Variants in AUTS2 observed in about 807,000 individuals in gnomAD.
The protein encoded by AUTS2 is autism susceptibility gene 2 protein.
AUTS2 carries 17 observed loss-of-function variants against 112.4 expected under a neutral mutation model. The ratio of observed to expected loss-of-function variants is 0.15; its 90% CI spans 0.10 to 0.23. The LOEUF is 0.23. AUTS2 is among the 10% of genes least tolerant of loss of function. The pLI is 1.00. For synonymous variants in AUTS2, 751 were observed against 702.7 expected (o/e 1.07, Z -1.09); for missense variants, 1,510 against 1,701.6 (o/e 0.89, Z 1.98).
At chr7:70,755,045 A>C (rs1002548928) in intron 6 of AUTS2, among the ~76,000 whole-genome samples, 7 of 152,128 alleles carry the variant, frequency 4.6e-5, no homozygotes, top group African/African-American at 1.7e-4. Context: ...TCCTTCATCA[A>C]TATTCACCCT....
chr7:70,571,157 T>A (rs952169393), intron 5 of AUTS2, among the ~76,000 whole-genome samples: 1 of 152,202 alleles, frequency 6.6e-6, no homozygotes, highest in South Asian at 2.1e-4. Flanking sequence ...TTGAGCTAGA[T>A]GAGCAATAAA....
At chr7:70,592,536 A>C (rs879551577) in intron 5 of AUTS2, among the ~76,000 whole-genome samples, 1 of 151,648 alleles carries the variant, frequency 6.6e-6, no homozygotes, top group Non-Finnish European at 1.5e-5. Context: ...TAATTTTTGT[A>C]TTTTTAGTAG....
chr7:70,169,246 A>T (rs1463120538), intron 4 of AUTS2, among the ~76,000 whole-genome samples: 1 of 151,496 alleles, frequency 6.6e-6, no homozygotes, highest in Non-Finnish European at 1.5e-5. Context: ...ATTAATATAT[A>T]TATATTTTTT....
rs772846312 is a variant in AUTS2 at position 70,763,092 on chromosome 7, C to G, written c.965C>G (p.Pro322Arg). The change falls in exon 7 of 19, where the codon CCT becomes CGT. Residue 322 changes from proline to arginine, a missense_variant. Around this residue, in one of 3 missense-constraint regions of AUTS2, gnomAD observed 535 missense variants for 594.3 expected, o/e 0.90. Transcript: ENST00000342771. ...CAACTCCGAGCTCCTTCTCCGGACC[C>G]TGACTTGGTGCAGCGCACAGAGGCC... is the stretch of plus-strand genomic sequence containing the variant. ...EPQLRAPSPDPDLVQRTEAPP... is the reference protein window; with the variant it reads ...EPQLRAPSPDRDLVQRTEAPP... The G allele has an allele frequency of 6.2e-7, 1 of 1,614,150 alleles. No individual in the cohort carries two copies. Among genetic ancestry groups the G allele is most frequent in the South Asian group, 1.1e-5 (1 of 91,086 alleles).
At chr7:70,001,661 G>T (rs1034921325) in intron 2 of AUTS2, among the ~76,000 whole-genome samples, 5 of 151,668 alleles carry the variant, frequency 3.3e-5, no homozygotes, top group Non-Finnish European at 7.4e-5. Flanking sequence ...TGTCTGCAGA[G>T]AATGGATTCA....
Position 70,450,756 on chromosome 7 carries a change from G to A in AUTS2, c.690+14975G>A, listed in dbSNP as rs143272519. Reference sequence around the variant, plus strand: ...AGGGGGTGAAAGTTGTCATAATGGGGGATTTGAGAGGTGATAGAGATCTCA... The same window carrying A: ...AGGGGGTGAAAGTTGTCATAATGGGAGATTTGAGAGGTGATAGAGATCTCA... On this transcript the variant is annotated intron_variant, in intron 5 of 18. Coordinates refer to ENST00000342771, the MANE Select transcript of AUTS2 (RefSeq NM_015570.4). Among the ~76,000 whole-genome samples the A allele has an allele frequency of 3.0e-3, 463 of 152,120 alleles. 3 individuals carry two copies. Among genetic ancestry groups the A allele is most frequent in the Non-Finnish European group, 5.5e-3 (371 of 67,998 alleles).
intron 5 of AUTS2, among the ~76,000 whole-genome samples, chr7:70,567,455 G>A (rs560433744): frequency 6.6e-6 from 1 of 152,272 alleles, no homozygotes; most frequent in African/African-American, 2.4e-5. Flanking sequence ...TTGTCCTTGG[G>A]CAAGCCACTT....
chr7:70,421,944 A>G (rs1445124279), intron 4 of AUTS2, among the ~76,000 whole-genome samples: 1 of 152,156 alleles, frequency 6.6e-6, no homozygotes, highest in African/African-American at 2.4e-5. Flanking sequence ...TAGTAATCCT[A>G]CCCTTCCTTG....
chr7:69,876,533 TATATATA>T (rs1793808901), intron 1 of AUTS2, among the ~76,000 whole-genome samples: 2 of 51,760 alleles, frequency 3.9e-5, no homozygotes, highest in African/African-American at 8.9e-5. Flanking sequence ...TATATATATA[TATATATA>T]TATATTTTCA....
At chr7:69,649,300 A>G (rs1395123327) in intron 1 of AUTS2, among the ~76,000 whole-genome samples, 1 of 152,248 alleles carries the variant, frequency 6.6e-6, no homozygotes, top group Admixed American at 6.5e-5. Flanking sequence ...AGAGGCATCC[A>G]GCAAACTGCA....
intron 1 of AUTS2, among the ~76,000 whole-genome samples, chr7:69,672,890 G>A (rs978241531): frequency 5.9e-5 from 9 of 152,316 alleles, no homozygotes; most frequent in African/African-American, 2.2e-4. Context: ...TGCCAGTTGT[G>A]ATTTTTGGGC....
chr7:70,765,812 GT>G (rs1789900959), intron 8 of AUTS2, among the ~76,000 whole-genome samples: 1 of 152,166 alleles, frequency 6.6e-6, no homozygotes, highest in African/African-American at 2.4e-5. Flanking sequence ...CATGCCCAGG[GT>G]CACTCAGCCA....
intron 2 of AUTS2, among the ~76,000 whole-genome samples, chr7:70,053,277 C>T (rs1801836271): frequency 6.6e-6 from 1 of 152,094 alleles, no homozygotes; most frequent in African/African-American, 2.4e-5. Flanking sequence ...ATTAAAGAAG[C>T]ATCTACTACA....
chr7:69,818,573 A>G (rs1790857986), intron 1 of AUTS2, among the ~76,000 whole-genome samples: 2 of 152,192 alleles, frequency 1.3e-5, no homozygotes, highest in Admixed American at 1.3e-4. Context: ...CTATGCAATA[A>G]TGGTTTGGAG....
At chr7:69,966,510 C>T (rs1797641491) in intron 2 of AUTS2, among the ~76,000 whole-genome samples, 1 of 152,190 alleles carries the variant, frequency 6.6e-6, no homozygotes, top group Non-Finnish European at 1.5e-5. Context: ...TCTCTCTTTA[C>T]AGGTGGGGAA....
chr7:70,181,645 C>G (rs554971065), intron 4 of AUTS2, among the ~76,000 whole-genome samples: 4 of 151,908 alleles, frequency 2.6e-5, no homozygotes, highest in African/African-American at 9.7e-5. Flanking sequence ...CGCCACCACA[C>G]CCAGCTAATT....
chr7:70,658,793 G>A (rs534729209), intron 5 of AUTS2, among the ~76,000 whole-genome samples: 89 of 152,306 alleles, frequency 5.8e-4, no homozygotes, highest in South Asian at 3.9e-3. Context: ...GGGTGCGAGG[G>A]GAGTGGAGAA....
intron 6 of AUTS2, among the ~76,000 whole-genome samples, chr7:70,760,890 C>T (rs760024721): frequency 1.3e-5 from 2 of 152,194 alleles, no homozygotes; most frequent in Non-Finnish European, 2.9e-5. Flanking sequence ...CTTTTCATAC[C>T]TCTGAAGCAT....
intron 1 of AUTS2, among the ~76,000 whole-genome samples, chr7:69,828,438 G>A (rs766015803): frequency 1.8e-4 from 27 of 152,200 alleles, no homozygotes; most frequent in Non-Finnish European, 3.5e-4. Context: ...CTGTACAAAA[G>A]ATAGATACTA....
Sources: allele counts gnomAD v4.1 joint callset (sites outside exome capture counted in the v4.1 genomes callset), GRCh38; gene constraint gnomAD v4.1.1; regional missense constraint gnomAD v4.1.1; transcripts MANE v1.5; gene names NCBI Gene and HGNC (gene_info 2026-07-23, HGNC 2026-07-21).